Variants in ACTR3C observed in about 807,000 individuals in gnomAD.
ACTR3C encodes actin related protein 3C, also known as actin-related protein 3C.
In ACTR3C, 18 loss-of-function variants were observed where a neutral mutation model predicts 26.3. That is an observed-to-expected ratio of 0.68 (90% CI 0.47 to 1.01). The LOEUF is 1.01. Ranked by LOEUF, ACTR3C falls within the 50% of genes least tolerant of loss-of-function variation. ACTR3C has a pLI of 0.00. For synonymous variants in ACTR3C, 55 were observed against 94.5 expected (o/e 0.58, Z 2.42); for missense variants, 184 against 250.7 (o/e 0.73, Z 1.80).
chr7:150,147,575 A>G, the ACTR3C span, among the ~76,000 whole-genome samples: 47,357 of 152,032 alleles, frequency 0.31, 7,527 homozygotes, highest in East Asian at 0.38. Context: ...GAAATAATTA[A>G]TCATTCATTA....
At chr7:150,287,354 G>A (rs575634121) in intron 4 of ACTR3C, among the ~76,000 whole-genome samples, 4 of 150,072 alleles carry the variant, frequency 2.7e-5, no homozygotes, top group African/African-American at 5.0e-5. Flanking sequence ...GACTGAAGCC[G>A]CCAGGATGCT....
At chr7:150,165,751 C>T in the ACTR3C span, among the ~76,000 whole-genome samples, 1 of 150,822 alleles carries the variant, frequency 6.6e-6, no homozygotes, top group African/African-American at 2.5e-5. Context: ...GACCAGTGAC[C>T]CAGAGTCCAT....
At chr7:150,079,079 G>A in the ACTR3C span, among the ~76,000 whole-genome samples, 1 of 152,128 alleles carries the variant, frequency 6.6e-6, no homozygotes, top group Non-Finnish European at 1.5e-5. Flanking sequence ...TGGGATATAT[G>A]GTTTCCTCTG....
the ACTR3C span, among the ~76,000 whole-genome samples, chr7:150,037,017 C>T: frequency 0.47 from 17,201 of 36,274 alleles, 5,055 homozygotes; most frequent in East Asian, 0.75. Context: ...ATGGGGGTAC[C>T]AACAGCCAGG....
At chr7:150,198,190 A>G in the ACTR3C span, among the ~76,000 whole-genome samples, 6 of 149,274 alleles carry the variant, frequency 4.0e-5, no homozygotes, top group South Asian at 4.2e-4. Context: ...ATCTCGGCTC[A>G]CTACAACCTA....
the ACTR3C span, among the ~76,000 whole-genome samples, chr7:150,112,720 CTG>C: frequency 1.3e-5 from 2 of 152,232 alleles, no homozygotes; most frequent in African/African-American, 4.8e-5. Context: ...CCCATCCCCT[CTG>C]GAATTCTCCA....
the ACTR3C span, among the ~76,000 whole-genome samples, chr7:150,033,607 CCCCG>C: frequency 6.6e-6 from 1 of 151,436 alleles, no homozygotes; most frequent in Non-Finnish European, 1.5e-5. Flanking sequence ...AGGTGCCTCC[CCCCG>C]CTGCAATGGG....
At chr7:150,059,136 C>T in the ACTR3C span, among the ~76,000 whole-genome samples, 1 of 152,312 alleles carries the variant, frequency 6.6e-6, no homozygotes, top group South Asian at 2.1e-4. Context: ...TCTTCCACTG[C>T]CTGGCTCTTG....
chr7:150,037,387 C>T, the ACTR3C span, among the ~76,000 whole-genome samples: 9 of 52,508 alleles, frequency 1.7e-4, no homozygotes, highest in African/African-American at 2.8e-4. Context: ...TGCCTCCCCC[C>T]TCTGCGATGG....
At chr7:150,304,833 A>G (rs1795684024) in intron 1 of ACTR3C, among the ~76,000 whole-genome samples, 1 of 151,802 alleles carries the variant, frequency 6.6e-6, no homozygotes, top group South Asian at 2.1e-4. Flanking sequence ...AAAACACAAC[A>G]GCATACAAAA....
chr7:150,039,217 G>C, the ACTR3C span, among the ~76,000 whole-genome samples: 6 of 149,414 alleles, frequency 4.0e-5, no homozygotes, highest in South Asian at 6.3e-4. Flanking sequence ...CTGCGATGGG[G>C]GTCCTAAGAG....
At chr7:150,180,732 T>C in the ACTR3C span, among the ~76,000 whole-genome samples, 5 of 137,664 alleles carry the variant, frequency 3.6e-5, no homozygotes, top group Admixed American at 7.1e-5. Flanking sequence ...GGATGGTCTC[T>C]ATCTCCTGAC....
At chr7:149,967,797 A>C in the ACTR3C span, among the ~76,000 whole-genome samples, 2 of 152,150 alleles carry the variant, frequency 1.3e-5, no homozygotes, top group Non-Finnish European at 2.9e-5. Flanking sequence ...TGACATTTCC[A>C]GGATGGGATG....
chr7:150,243,597 C>T (rs1436644823), downstream of ACTR3C, among the ~76,000 whole-genome samples: 3 of 151,966 alleles, frequency 2.0e-5, no homozygotes, highest in South Asian at 2.1e-4. Flanking sequence ...CTGCAGATAC[C>T]GAAATCCACA....
chr7:150,239,708 G>T (rs899046299), downstream of ACTR3C, among the ~76,000 whole-genome samples: 1 of 149,774 alleles, frequency 6.7e-6, no homozygotes, highest in Non-Finnish European at 1.5e-5. Context: ...ACATTCTACA[G>T]CTTCATTAGT....
At chr7:150,133,646 C>G in the ACTR3C span, among the ~76,000 whole-genome samples, 1 of 152,146 alleles carries the variant, frequency 6.6e-6, no homozygotes, top group Non-Finnish European at 1.5e-5. Flanking sequence ...CAGGATGAAC[C>G]CTGACCACAC....
At chr7:149,999,733 G>A in the ACTR3C span, among the ~76,000 whole-genome samples, 3 of 151,118 alleles carry the variant, frequency 2.0e-5, no homozygotes, top group Non-Finnish European at 4.4e-5. Context: ...TGTGCAGTGT[G>A]GAGACAGGCA....
the ACTR3C span, among the ~76,000 whole-genome samples, chr7:149,929,027 G>T: frequency 6.6e-6 from 1 of 152,072 alleles, no homozygotes; most frequent in Non-Finnish European, 1.5e-5. Context: ...GAGGCCTATG[G>T]ATAAGTTCTC....
At chr7:150,015,900 T>C in the ACTR3C span, among the ~76,000 whole-genome samples, 20 of 152,368 alleles carry the variant, frequency 1.3e-4, no homozygotes, top group African/African-American at 4.1e-4. Context: ...TCATTATTAA[T>C]AGCACATCTA....
Sources: allele counts gnomAD v4.1 joint callset (sites outside exome capture counted in the v4.1 genomes callset), GRCh38; gene constraint gnomAD v4.1.1; transcripts MANE v1.5; gene names NCBI Gene and HGNC (gene_info 2026-07-23, HGNC 2026-07-21).